FOXP1: variants seen among roughly 807,000 people sequenced by gnomAD.
FOXP1 encodes the protein forkhead box protein P1.
A neutral mutation model predicts 98.2 loss-of-function variants in FOXP1; 15 were observed. That is an observed-to-expected ratio of 0.15 (90% CI 0.10 to 0.24). FOXP1 has a LOEUF of 0.24. Ranked by LOEUF, FOXP1 falls within the 10% of genes least tolerant of loss-of-function variation. The pLI is 1.00. For synonymous variants in FOXP1, 371 were observed against 314.5 expected, an observed-to-expected ratio of 1.18 and a Z score of -1.90; for missense variants, 633 against 848.5, an observed-to-expected ratio of 0.75 and a Z score of 3.15.
intron 20 of FOXP1, among the ~76,000 whole-genome samples, chr3:70,963,406 G>C (rs148619530): frequency 9.8e-5 from 15 of 152,324 alleles, no homozygotes; most frequent in Admixed American, 5.2e-4. Flanking sequence ...GAACAAAAGA[G>C]GATGGGATTC....
At chr3:71,291,230 G>A (rs1005484774) in intron 5 of FOXP1, among the ~76,000 whole-genome samples, 4 of 152,170 alleles carry the variant, frequency 2.6e-5, no homozygotes, top group African/African-American at 4.8e-5. Flanking sequence ...AAATACAATG[G>A]CTGCCACATA....
chr3:71,526,771 C>T (rs1302277567), intron 2 of FOXP1, among the ~76,000 whole-genome samples: 1 of 152,100 alleles, frequency 6.6e-6, no homozygotes, highest in African/African-American at 2.4e-5. Flanking sequence ...AGTTAGAGAC[C>T]TGCCTGACCA....
At chr3:71,334,001 AC>A (rs1438937174) in intron 4 of FOXP1, 2 of 152,200 alleles carry the variant, frequency 1.3e-5, no homozygotes, top group Non-Finnish European at 2.9e-5. Flanking sequence ...TTTAAAAAAA[AC>A]TAGAAGGTTA....
intron 12 of FOXP1, among the ~76,000 whole-genome samples, chr3:71,005,314 TAAAAAAAAAA>T (rs60664354): frequency 4.0e-5 from 1 of 25,260 alleles, no homozygotes; most frequent in Non-Finnish European, 7.5e-5. Context: ...ATACCTGATT[TAAAAAAAAAA>T]AAAAAAAAAA....
chr3:71,010,970 G>A (rs1344737457), intron 12 of FOXP1, among the ~76,000 whole-genome samples: 1 of 152,034 alleles, frequency 6.6e-6, no homozygotes, highest in African/African-American at 2.4e-5. Context: ...TTTCCCTTTA[G>A]ACTGAACAGA....
chr3:70,962,403 T>A (rs965331085), intron 20 of FOXP1, among the ~76,000 whole-genome samples: 1 of 152,192 alleles, frequency 6.6e-6, no homozygotes, highest in East Asian at 1.9e-4. Flanking sequence ...ATCTTTATGG[T>A]TCCTATGATT....
chr3:71,007,873 C>T (rs60779476), intron 12 of FOXP1, among the ~76,000 whole-genome samples: 1,822 of 152,278 alleles, frequency 0.012, 37 homozygotes, highest in African/African-American at 0.042. Context: ...GTCAAAGTTC[C>T]ATTTCTGGGC....
chr3:71,174,176 AT>A (rs371457360), intron 6 of FOXP1, among the ~76,000 whole-genome samples: 1,841 of 152,288 alleles, frequency 0.012, 28 homozygotes, highest in African/African-American at 0.042. Context: ...GCCAAAAACA[AT>A]TTTTTTACTA....
intron 19 of FOXP1, chr3:70,969,598 T>C (rs1031029681): frequency 6.6e-6 from 1 of 152,280 alleles, no homozygotes; most frequent in Non-Finnish European, 1.5e-5. Flanking sequence ...TCCTTCCTCA[T>C]CCTGTTCCCA....
chr3:71,340,489 G>T (rs186520667), intron 4 of FOXP1, among the ~76,000 whole-genome samples: 44 of 152,312 alleles, frequency 2.9e-4, no homozygotes, highest in Admixed American at 2.5e-3. Context: ...AGAAAGGGCT[G>T]TAGAGTCAGA....
intron 3 of FOXP1, among the ~76,000 whole-genome samples, chr3:71,413,035 G>A (rs946831027): frequency 2.6e-5 from 4 of 152,072 alleles, no homozygotes; most frequent in Middle Eastern, 3.4e-3. Flanking sequence ...ACAGGGCTTC[G>A]TCTTTGAAAA....
At chr3:70,964,529 T>C (rs992866720) in intron 20 of FOXP1, among the ~76,000 whole-genome samples, 2 of 152,244 alleles carry the variant, frequency 1.3e-5, no homozygotes, top group Admixed American at 6.5e-5. Context: ...CAGTAGCTTA[T>C]ACCAATTTAC....
At chr3:71,159,182 C>T (rs1327317699) in intron 6 of FOXP1, among the ~76,000 whole-genome samples, 1 of 147,344 alleles carries the variant, frequency 6.8e-6, no homozygotes, top group Non-Finnish European at 1.5e-5. Context: ...TCAGCAGAAA[C>T]TGAGAGTAAT....
At chr3:71,052,394 G>A in intron 9 of FOXP1, 143 bp downstream of exon 9, 1 of 700,618 alleles carries the variant, frequency 1.4e-6, no homozygotes, top group East Asian at 2.7e-5. Context: ...GTGAAAACAG[G>A]ACAATAATTC....
chr3:71,428,046 T>A (rs1453819511), intron 3 of FOXP1, among the ~76,000 whole-genome samples: 1 of 152,066 alleles, frequency 6.6e-6, no homozygotes, highest in African/African-American at 2.4e-5. Context: ...GTAAATTAAG[T>A]CAGAAACAAG....
chr3:71,097,812 A>T (rs932111292), intron 7 of FOXP1, among the ~76,000 whole-genome samples: 2 of 152,204 alleles, frequency 1.3e-5, no homozygotes, highest in Non-Finnish European at 2.9e-5. Flanking sequence ...CAGGAAATTG[A>T]ATTTCTAGAG....
At chr3:71,489,897 G>A (rs914653345) in intron 3 of FOXP1, among the ~76,000 whole-genome samples, 1 of 152,154 alleles carries the variant, frequency 6.6e-6, no homozygotes, top group Admixed American at 6.5e-5. Context: ...GAAGCAATCT[G>A]TTGTTCTGGA....
At chr3:71,534,644 C>G (rs921452660) in intron 2 of FOXP1, among the ~76,000 whole-genome samples, 3 of 152,178 alleles carry the variant, frequency 2.0e-5, no homozygotes, top group Non-Finnish European at 4.4e-5. Flanking sequence ...TTGGCTCAAC[C>G]TCTAGAAGAT....
chr3:71,445,204 A>G (rs1303762820), intron 3 of FOXP1, among the ~76,000 whole-genome samples: 2 of 152,182 alleles, frequency 1.3e-5, no homozygotes, highest in African/African-American at 2.4e-5. Context: ...ACAGAAACAC[A>G]GGCTGCTTCA....
Sources: gnomAD v4.1 joint callset for allele counts (sites outside exome capture counted in the v4.1 genomes callset) on GRCh38, gnomAD v4.1.1 for gene constraint, MANE v1.5 for transcripts, NCBI Gene and HGNC (gene_info 2026-07-23, HGNC 2026-07-21) for gene names.